Variants in RAC1 observed in about 807,000 individuals in gnomAD.
RAC1 encodes Rac family small GTPase 1, also known as ras-related C3 botulinum toxin substrate 1.
A neutral mutation model predicts 25.2 loss-of-function variants in RAC1; 2 were observed. The ratio of observed to expected loss-of-function variants is 0.08; its 90% CI spans 0.03 to 0.25. RAC1 has a LOEUF of 0.25. RAC1 is among the 10% of genes least tolerant of loss of function. The pLI is 1.00. For missense variants in RAC1, 50 were observed against 235.7 expected, an observed-to-expected ratio of 0.21 and a Z score of 5.16; for synonymous variants, 88 against 94.0, an observed-to-expected ratio of 0.94 and a Z score of 0.37.
chr7:6,388,888 G>A (rs1343605990), intron 2 of RAC1, among the ~76,000 whole-genome samples: 1 of 152,092 alleles, frequency 6.6e-6, no homozygotes, highest in African/African-American at 2.4e-5. Flanking sequence ...CAAATCAAAA[G>A]ACAATGGATG....
Position 6,374,789 on chromosome 7 carries a change from C to T in RAC1, c.35+19C>T. 8.9e-7 allele frequency: 1 copy of T among 1,124,876 alleles called. No homozygotes were observed. Among genetic ancestry groups the T allele is most frequent in the South Asian group, 3.8e-5 (1 of 26,524 alleles). 69.7% of individuals were successfully genotyped at this position (1,124,876 alleles called of 1,614,324 possible). A position where few individuals can be genotyped will look rare whatever the true frequency, so the allele number is the denominator to read the frequency against. ...GAGACGGGTGAGTGCGCGGCCGGGG[C>T]CGGGCTGGAGGCCGCGGGATCGGGC... is the stretch of plus-strand genomic sequence containing the variant. On this transcript the variant is annotated intron_variant, in intron 1 of 5. Coordinates refer to ENST00000348035, the MANE Select transcript of RAC1 (RefSeq NM_006908.5).
At chr7:6,389,377 C>A (rs1583263993) in intron 2 of RAC1, among the ~76,000 whole-genome samples, 1 of 149,964 alleles carries the variant, frequency 6.7e-6, no homozygotes, top group African/African-American at 2.5e-5. Context: ...TGGTTAAAAT[C>A]TTTTGAATTT....
intron 2 of RAC1, among the ~76,000 whole-genome samples, chr7:6,390,537 T>G (rs574380376): frequency 6.6e-6 from 1 of 151,338 alleles, no homozygotes; most frequent in East Asian, 2.0e-4. Context: ...GAGGTGGAGG[T>G]TGCAGTGAGC....
chr7:6,377,728 A>G (rs1215880267), intron 1 of RAC1, among the ~76,000 whole-genome samples: 2 of 152,166 alleles, frequency 1.3e-5, no homozygotes. Flanking sequence ...CAGTCTGGCC[A>G]ATATGGCGAA....
At chr7:6,402,079 C>G (rs369615564) in intron 5 of RAC1, 52 bp downstream of exon 5, 1 of 1,573,690 alleles carries the variant, frequency 6.4e-7, no homozygotes, top group African/African-American at 1.3e-5. Context: ...ATTGTAGTGA[C>G]AGAGACTGGA....
Position 6,403,135 on chromosome 7 carries a change from G to T in RAC1, c.*689G>T, listed in dbSNP as rs1384247787. On this transcript the variant is annotated 3_prime_UTR_variant, in exon 6 of 6. Coordinates refer to ENST00000348035, the MANE Select transcript of RAC1 (RefSeq NM_006908.5). ...TGTTTAGCTGTGGGTGTGCCGGGTGGGGTGTGTGTGATCAAAGGACAAAGA... is the reference window on the plus strand; with the variant it reads ...TGTTTAGCTGTGGGTGTGCCGGGTGTGGTGTGTGTGATCAAAGGACAAAGA... The T allele has an allele frequency of 4.6e-6, 1 of 215,414 alleles. No homozygotes were observed. Among genetic ancestry groups the T allele is most frequent in the Non-Finnish European group, 9.4e-6 (1 of 106,678 alleles). The allele number at this position is 215,414 out of a possible 1,614,324, so 13.3% of individuals were successfully genotyped here.
intron 1 of RAC1, among the ~76,000 whole-genome samples, chr7:6,379,367 T>A (rs758002235): frequency 3.4e-5 from 5 of 149,202 alleles, no homozygotes; most frequent in Non-Finnish European, 7.4e-5. Flanking sequence ...CTCCTCCTCC[T>A]GGGTTCAAGC....
At chr7:6,400,945 G>T (rs562042327) in intron 4 of RAC1, among the ~76,000 whole-genome samples, 9 of 152,236 alleles carry the variant, frequency 5.9e-5, no homozygotes, top group African/African-American at 2.2e-4. Context: ...AAAGTGCTGG[G>T]ATTACAGGCG....
intron 1 of RAC1, among the ~76,000 whole-genome samples, chr7:6,386,805 GAAAAA>G (rs1169232256): frequency 7.0e-6 from 1 of 142,972 alleles, no homozygotes; most frequent in Non-Finnish European, 1.5e-5. Flanking sequence ...AAAAAAAAAA[GAAAAA>G]AAAGAAAAAA....
At chr7:6,398,779 G>T (rs376256768) in intron 3 of RAC1, 1 of 1,496,608 alleles carries the variant, frequency 6.7e-7, no homozygotes, top group East Asian at 2.3e-5. Flanking sequence ...ATTTCACTTC[G>T]TTTTCCTAGG....
chr7:6,396,553 T>C (rs934290445), intron 3 of RAC1, among the ~76,000 whole-genome samples: 6 of 152,270 alleles, frequency 3.9e-5, no homozygotes, highest in Non-Finnish European at 8.8e-5. Flanking sequence ...ATCGAAAGCA[T>C]GCCACAGATA....
intron 3 of RAC1, among the ~76,000 whole-genome samples, chr7:6,396,546 G>A (rs533289388): frequency 1.2e-4 from 18 of 152,256 alleles, no homozygotes; most frequent in African/African-American, 4.3e-4. Flanking sequence ...CTTAAAAATC[G>A]AAAGCATGCC....
At chr7:6,392,863 C>G (rs989498485) in intron 3 of RAC1, among the ~76,000 whole-genome samples, 1 of 152,232 alleles carries the variant, frequency 6.6e-6, no homozygotes, top group Admixed American at 6.5e-5. Flanking sequence ...GCTTCATCCT[C>G]TCTCCAGTCT....
chr7:6,377,308 T>A (rs1004041812), intron 1 of RAC1, among the ~76,000 whole-genome samples: 1 of 152,102 alleles, frequency 6.6e-6, no homozygotes, highest in Non-Finnish European at 1.5e-5. Flanking sequence ...AAGTGAAATG[T>A]ACCTGGCCAG....
At chr7:6,384,187 A>G (rs1782858974) in intron 1 of RAC1, among the ~76,000 whole-genome samples, 1 of 151,982 alleles carries the variant, frequency 6.6e-6, no homozygotes, top group Non-Finnish European at 1.5e-5. Context: ...GCGATGCTTG[A>G]TCTGCCTCCA....
At chr7:6,399,314 G>A (rs1014058311) in intron 3 of RAC1, among the ~76,000 whole-genome samples, 1 of 152,196 alleles carries the variant, frequency 6.6e-6, no homozygotes, top group Non-Finnish European at 1.5e-5. Flanking sequence ...GGAATTGTGT[G>A]CATTTCATAA....
At chr7:6,375,358 G>A (rs1009971556) in intron 1 of RAC1, among the ~76,000 whole-genome samples, 2 of 151,928 alleles carry the variant, frequency 1.3e-5, no homozygotes, top group Admixed American at 1.3e-4. Flanking sequence ...CAAAATGCTG[G>A]GATTACAGGC....
rs746445505 is a variant in RAC1, at chr7:6,402,310, C to G, written c.449-6C>G. 1 of 1,603,036 alleles carries G rather than the reference C, an allele frequency of 6.2e-7. No individual in the cohort carries two copies. Among genetic ancestry groups the G allele is most frequent in the South Asian group, 1.1e-5 (1 of 89,842 alleles). Reference sequence around the variant, plus strand: ...GTACATTGCCGTGTGGTCGTGTTTCCTGTAGGTGCTGTAAAATACCTGGAG... The same window carrying G: ...GTACATTGCCGTGTGGTCGTGTTTCGTGTAGGTGCTGTAAAATACCTGGAG... On this transcript the variant is annotated splice_region_variant and splice_polypyrimidine_tract_variant and intron_variant, in intron 5 of 5. Coordinates refer to ENST00000348035, the MANE Select transcript of RAC1 (RefSeq NM_006908.5).
At chr7:6,383,889 G>GC (rs1782847696) in intron 1 of RAC1, among the ~76,000 whole-genome samples, 1 of 127,054 alleles carries the variant, frequency 7.9e-6, no homozygotes, top group African/African-American at 2.9e-5. Context: ...TGCAACTTCC[G>GC]CCTCCCGGGT....
Sources: gnomAD v4.1 joint callset for allele counts (sites outside exome capture counted in the v4.1 genomes callset) on GRCh38, gnomAD v4.1.1 for gene constraint, MANE v1.5 for transcripts, NCBI Gene and HGNC (gene_info 2026-07-23, HGNC 2026-07-21) for gene names.